AOAH: variants seen among roughly 807,000 people sequenced by gnomAD.
AOAH encodes the protein acyloxyacyl hydrolase (neutrophil).
In AOAH, 64 loss-of-function variants were observed where a neutral mutation model predicts 92.2. The ratio of observed to expected loss-of-function variants is 0.69; its 90% CI spans 0.57 to 0.86. The LOEUF (loss-of-function observed/expected upper bound fraction) is 0.86. Ranked by LOEUF, AOAH falls within the 40% of genes least tolerant of loss-of-function variation. The pLI, the probability that AOAH is intolerant of heterozygous loss-of-function variation, is 0.00. For synonymous variants in AOAH, 263 were observed against 254.5 expected (o/e 1.03, Z -0.32); for missense variants, 656 against 694.6 (o/e 0.94, Z 0.62).
intron 9 of AOAH, among the ~76,000 whole-genome samples, chr7:36,620,048 G>T (rs1399797413): frequency 6.6e-6 from 1 of 151,680 alleles, no homozygotes; most frequent in Non-Finnish European, 1.5e-5. Flanking sequence ...AAACAGTTCT[G>T]GTAAACCAGA....
Position 36,673,931 on chromosome 7 carries a change from T to G in AOAH, c.290+12A>C, listed in dbSNP as rs375901050. 6.3e-7 allele frequency: 1 copy of G among 1,593,102 alleles called. No individual in the cohort carries two copies. The highest frequency in any genetic ancestry group is 2.2e-5 in the East Asian group (1 of 44,668). On this transcript the variant is annotated intron_variant, in intron 3 of 20. Transcript: ENST00000617537. ...GCAATGGAATCAGAGTTATGTGTCA[T>G]GGCATACTCACAGTTTTATGATGTC... is the stretch of plus-strand genomic sequence containing the variant.
At chr7:36,532,386 A>G in intron 16 of AOAH, 42 bp from the exon 17 acceptor site, 1 of 1,601,520 alleles carries the variant, frequency 6.2e-7, no homozygotes, top group South Asian at 1.1e-5. Context: ...CCACTCGGCA[A>G]TAGCAGCATT....
intron 20 of AOAH, among the ~76,000 whole-genome samples, chr7:36,514,304 TG>T (rs1282086611): frequency 7.5e-6 from 1 of 133,984 alleles, no homozygotes; most frequent in African/African-American, 2.8e-5. Context: ...ATGGCATGTT[TG>T]GGGAACTACA....
intron 1 of AOAH, among the ~76,000 whole-genome samples, chr7:36,706,024 A>G (rs4723558): frequency 0.6 from 90,572 of 151,972 alleles, 27,423 homozygotes; most frequent in East Asian, 0.83. Context: ...TGGATTAAAC[A>G]TAAGACCTAA....
chr7:36,673,857 G>T, intron 3 of AOAH, 86 bp downstream of exon 3: 1 of 921,980 alleles, frequency 1.1e-6, no homozygotes. Context: ...GCATCATGCT[G>T]AACACAGAGC....
chr7:36,662,287 C>T (rs1795261160), intron 3 of AOAH, among the ~76,000 whole-genome samples: 1 of 152,228 alleles, frequency 6.6e-6, no homozygotes, highest in African/African-American at 2.4e-5. Context: ...GATGGTTTAT[C>T]ACCCTTTTGT....
At chr7:36,701,445 ATTAAG>A (rs1206522571) in intron 1 of AOAH, among the ~76,000 whole-genome samples, 1 of 150,748 alleles carries the variant, frequency 6.6e-6, no homozygotes, top group Non-Finnish European at 1.5e-5. Context: ...GGGCTTTTAA[ATTAAG>A]TTCATATACA....
chr7:36,575,301 C>T (rs1016285652), intron 13 of AOAH, among the ~76,000 whole-genome samples: 9 of 152,176 alleles, frequency 5.9e-5, no homozygotes, highest in Admixed American at 2.0e-4. Context: ...AGTGAGACAA[C>T]GTGGGTAGAA....
chr7:36,534,011 C>T (rs1179869110), intron 16 of AOAH, among the ~76,000 whole-genome samples: 4 of 152,136 alleles, frequency 2.6e-5, no homozygotes, highest in East Asian at 3.9e-4. Flanking sequence ...TGTGTCCCCT[C>T]CCCCTGAGGG....
In AOAH at chr7:36,527,419, C is replaced by G. The variant is rs1049085556; in HGVS notation, c.1522+2999G>C. On this transcript the variant is annotated intron_variant, in intron 19 of 20. Transcript: ENST00000617537. The stretch of plus-strand genomic sequence containing the variant: ...AGGACTGCAGACTTAATAAGTGACT[C>G]TGTAGGATTTTAATTTCTGATAAAA... Among the ~76,000 whole-genome samples the G allele has an allele frequency of 2.0e-5, 3 of 152,166 alleles. No homozygotes were observed. In the East Asian group the frequency reaches 5.8e-4, roughly 29 times the overall value.
chr7:36,697,731 A>G (rs1221083474), intron 1 of AOAH, among the ~76,000 whole-genome samples: 1 of 152,192 alleles, frequency 6.6e-6, no homozygotes, highest in Non-Finnish European at 1.5e-5. Context: ...TTTATATAAA[A>G]TAGGGTTCTT....
chr7:36,710,177 C>T (rs7782947), intron 1 of AOAH, among the ~76,000 whole-genome samples: 91,058 of 151,952 alleles, frequency 0.6, 27,730 homozygotes, highest in East Asian at 0.83. Flanking sequence ...CGGTTATATT[C>T]TGTTACATGG....
chr7:36,601,900 G>A (rs1389366430), intron 11 of AOAH, among the ~76,000 whole-genome samples: 2 of 152,154 alleles, frequency 1.3e-5, no homozygotes, highest in Non-Finnish European at 2.9e-5. Context: ...CATATCCAAA[G>A]GAGACCAACA....
intron 4 of AOAH, among the ~76,000 whole-genome samples, chr7:36,639,615 T>G (rs1793760181): frequency 6.6e-6 from 1 of 152,222 alleles, no homozygotes; most frequent in Non-Finnish European, 1.5e-5. Context: ...GGTGATAACT[T>G]TTTCCTTTTT....
At chr7:36,619,119 G>A (rs1230148052) in intron 9 of AOAH, among the ~76,000 whole-genome samples, 1 of 151,072 alleles carries the variant, frequency 6.6e-6, no homozygotes, top group East Asian at 1.9e-4. Flanking sequence ...TAACAAGAGT[G>A]TGCTCACTCT....
At chr7:36,632,443 T>G (rs948407973) in intron 5 of AOAH, among the ~76,000 whole-genome samples, 2 of 151,988 alleles carry the variant, frequency 1.3e-5, no homozygotes, top group Admixed American at 1.3e-4. Flanking sequence ...ATAAAGAAGA[T>G]TTTCAAACAA....
intron 4 of AOAH, among the ~76,000 whole-genome samples, chr7:36,647,049 G>T (rs762476593): frequency 2.0e-5 from 3 of 152,160 alleles, no homozygotes; most frequent in Non-Finnish European, 4.4e-5. Context: ...AGTGAACTAT[G>T]TTCAGCTCTG....
chr7:36,656,382 T>C (rs891136135), intron 4 of AOAH, among the ~76,000 whole-genome samples: 4 of 152,214 alleles, frequency 2.6e-5, no homozygotes, highest in Admixed American at 6.5e-5. Context: ...CTGGGGACTA[T>C]TGACTAGGAG....
At chr7:36,681,851 A>G (rs1432815527) in intron 2 of AOAH, among the ~76,000 whole-genome samples, 1 of 152,056 alleles carries the variant, frequency 6.6e-6, no homozygotes, top group East Asian at 1.9e-4. Context: ...AAGACCGAAA[A>G]CCCTCAGAAA....
Sources: allele counts gnomAD v4.1 joint callset (sites outside exome capture counted in the v4.1 genomes callset), GRCh38; gene constraint gnomAD v4.1.1; transcripts MANE v1.5; gene names NCBI Gene and HGNC (gene_info 2026-07-23, HGNC 2026-07-21).